The following RAP1GAP2 variants were observed in gnomAD, a reference collection of about 807,000 sequenced individuals.
RAP1GAP2 encodes RAP1 GTPase activating protein 2.
RAP1GAP2 carries 27 observed loss-of-function variants against 95.0 expected under a neutral mutation model. The ratio of observed to expected loss-of-function variants is 0.28; its 90% confidence interval spans 0.21 to 0.39. The LOEUF (loss-of-function observed/expected upper bound fraction) is 0.39, where lower values mean the gene tolerates loss of function less well. Ranked by LOEUF, RAP1GAP2 falls within the 10% of genes least tolerant of loss-of-function variation. RAP1GAP2 has a pLI of 1.00. For missense variants in RAP1GAP2, 771 were observed against 970.0 expected (o/e 0.79, Z 2.72); for synonymous variants, 373 against 380.9 (o/e 0.98, Z 0.24).
chr17:2,917,411 C>T (rs988885225), intron 3 of RAP1GAP2, among the ~76,000 whole-genome samples: 3 of 152,094 alleles, frequency 2.0e-5, no homozygotes, highest in Admixed American at 6.6e-5. Context: ...GCTGGGATTA[C>T]AGGCATGCGC....
At chr17:2,768,171 T>G (rs149809365) in intron 1 of RAP1GAP2, among the ~76,000 whole-genome samples, 150 of 152,272 alleles carry the variant, frequency 9.9e-4, no homozygotes, top group African/African-American at 3.5e-3. Context: ...CTAGGTAAAT[T>G]CCCCAAAGAG....
chr17:2,921,808 G>A (rs1455304997), intron 3 of RAP1GAP2, among the ~76,000 whole-genome samples: 2 of 152,144 alleles, frequency 1.3e-5, no homozygotes, highest in African/African-American at 4.8e-5. Context: ...GAAGCTCCTT[G>A]CCTGCCTCTT....
chr17:2,797,212 C>A lies in RAP1GAP2; in HGVS notation c.44+641C>A, dbSNP rs1454891467. On this transcript the variant is annotated intron_variant, in intron 1 of 24. Coordinates refer to ENST00000254695, the MANE Select transcript of RAP1GAP2 (RefSeq NM_015085.5). The surrounding 1 kb of genome is among the most constrained non-coding windows in gnomAD (Gnocchi z 5.6). Reference sequence around the variant, plus strand: ...CCCACCTGCACCCCAGGCAGCCCACCCTAGCTCTGTCCTAGCCTGAGCAGC... The same window carrying A: ...CCCACCTGCACCCCAGGCAGCCCACACTAGCTCTGTCCTAGCCTGAGCAGC... Among the ~76,000 whole-genome samples, 3 of 152,146 alleles carry A rather than the reference C, an allele frequency of 2.0e-5. No individual in the cohort carries two copies. The highest frequency in any genetic ancestry group is 6.5e-5 in the Admixed American group (1 of 15,272).
At chr17:2,930,832 A>G (rs1347707011) in intron 3 of RAP1GAP2, among the ~76,000 whole-genome samples, 2 of 152,194 alleles carry the variant, frequency 1.3e-5, no homozygotes, top group African/African-American at 2.4e-5. Context: ...AATATAAAAC[A>G]AAACAAAAGA....
chr17:2,848,416 C>T (rs751591843), intron 2 of RAP1GAP2, among the ~76,000 whole-genome samples: 2 of 151,662 alleles, frequency 1.3e-5, no homozygotes, highest in Non-Finnish European at 2.9e-5. Flanking sequence ...GGGGGCTGGT[C>T]ATGGGTTCTG....
At chr17:2,942,540 C>T (rs1319880976) in intron 3 of RAP1GAP2, among the ~76,000 whole-genome samples, 1 of 152,156 alleles carries the variant, frequency 6.6e-6, no homozygotes, top group Non-Finnish European at 1.5e-5. Flanking sequence ...CTGAGCTTGC[C>T]TTTCTGCTGG....
Position 2,968,687 on chromosome 17 carries a change from G to A in RAP1GAP2, c.596+3044G>A, listed in dbSNP as rs143690459. ...ATAAAGAAATATGATAGAAGTGTGC[G>A]TACATATGTGATGATAATAAATATA... On this transcript the variant is annotated intron_variant, in intron 8 of 24. Coordinates refer to ENST00000254695, the MANE Select transcript of RAP1GAP2 (RefSeq NM_015085.5). Among the ~76,000 whole-genome samples, 698 of 152,108 alleles carry A rather than the reference G, an allele frequency of 4.6e-3. 8 individuals carry two copies. The highest frequency in any genetic ancestry group is 4.2e-3 in the Non-Finnish European group (284 of 67,966).
At chr17:2,969,701 G>C (rs1010113943) in intron 8 of RAP1GAP2, among the ~76,000 whole-genome samples, 1 of 151,360 alleles carries the variant, frequency 6.6e-6, no homozygotes, top group African/African-American at 2.4e-5. Context: ...ATGGGGTTTC[G>C]CTGTGTTGGC....
rs561492877 is a variant in RAP1GAP2 at position 2,860,594 on chromosome 17, CTTTTTTTTTTTTTT to C, written c.81-44676_81-44663del. 5.5e-3 allele frequency among the ~76,000 whole-genome samples: 533 copies of C among 96,068 alleles called. 6 individuals carry two copies. The highest frequency in any genetic ancestry group is 0.022 in the African/African-American group (504 of 22,968). The allele number at this position is 96,068 out of a possible 152,430, so 63.0% of individuals were successfully genotyped here. On this transcript the variant is annotated intron_variant, in intron 2 of 24. Coordinates refer to ENST00000254695, the MANE Select transcript of RAP1GAP2 (RefSeq NM_015085.5). ...TAGACTTTCCATTATACTTATTTAT[CTTTTTTTTTTTTTT>C]TTTTTTTTTTTTTGAGACAGCATCT... is the stretch of plus-strand genomic sequence containing the variant.
chr17:2,984,602 G>T lies in RAP1GAP2; in HGVS notation c.730-381G>T, dbSNP rs1297184982. 3.3e-5 allele frequency among the ~76,000 whole-genome samples: 5 copies of T among 152,166 alleles called. No individual in the cohort carries two copies. The East Asian group carries it at 7.7e-4, about 23-fold the overall frequency. On this transcript the variant is annotated intron_variant, in intron 10 of 24. Transcript: ENST00000254695. The stretch of plus-strand genomic sequence containing the variant: ...GGACTCATGCTGCTGATTAGAGGTG[G>T]AATTAGGACTAGAGTTATCCTTGCT...
At chr17:2,895,483 C>T (rs373004153) in intron 2 of RAP1GAP2, among the ~76,000 whole-genome samples, 21 of 152,318 alleles carry the variant, frequency 1.4e-4, no homozygotes, top group Admixed American at 7.2e-4. Flanking sequence ...ATACTATTTC[C>T]TTCAGTGGAT....
At chr17:2,985,118 G>T in intron 11 of RAP1GAP2, 52 bp downstream of exon 11, 1 of 1,609,184 alleles carries the variant, frequency 6.2e-7, no homozygotes, top group Admixed American at 1.7e-5. Context: ...TCTCACTTAG[G>T]ACTCTTTTTA....
intron 17 of RAP1GAP2, among the ~76,000 whole-genome samples, chr17:3,009,647 C>T (rs1471173072): frequency 6.6e-6 from 1 of 152,202 alleles, no homozygotes; most frequent in Non-Finnish European, 1.5e-5. Flanking sequence ...GCTCTTCCTA[C>T]CCTAGTTGGG....
chr17:3,034,406 G>T lies in RAP1GAP2; in HGVS notation c.*1045G>T, dbSNP rs143842515. On this transcript the variant is annotated 3_prime_UTR_variant, in exon 25 of 25. Transcript: ENST00000254695. The surrounding 1 kb of genome is among the most constrained non-coding windows in gnomAD (Gnocchi z 5.1). Reference sequence around the variant, plus strand: ...CCACTTACTCGAGGAGAGAGGTGAGGGGGGGATGACTTGCGGGTTCTGATC... The same window carrying T: ...CCACTTACTCGAGGAGAGAGGTGAGTGGGGGATGACTTGCGGGTTCTGATC... 8.1e-5 allele frequency: 19 copies of T among 235,372 alleles called. 1 individual carries two copies. The highest frequency in any genetic ancestry group is 3.5e-4 in the African/African-American group (15 of 42,262). 14.6% of individuals were successfully genotyped at this position (235,372 alleles called of 1,614,324 possible).
chr17:2,759,331 A>G (rs2071203273), intron 1 of RAP1GAP2, among the ~76,000 whole-genome samples: 1 of 152,082 alleles, frequency 6.6e-6, no homozygotes, highest in African/African-American at 2.4e-5. Context: ...CCCAGGATAG[A>G]GTGCAGTGGC....
chr17:2,977,713 C>G (rs1308031248), intron 8 of RAP1GAP2, among the ~76,000 whole-genome samples: 2 of 147,298 alleles, frequency 1.4e-5, no homozygotes, highest in Non-Finnish European at 3.0e-5. Context: ...CCACCGCACT[C>G]CAGCCTGGGC....
chr17:2,805,663 G>A (rs1378298338), intron 2 of RAP1GAP2, among the ~76,000 whole-genome samples: 1 of 152,186 alleles, frequency 6.6e-6, no homozygotes, highest in East Asian at 1.9e-4. Context: ...GTGAGCCACT[G>A]CACCTGGCCA....
At chr17:3,019,831 C>A (rs1325099959) in intron 18 of RAP1GAP2, among the ~76,000 whole-genome samples, 4 of 152,206 alleles carry the variant, frequency 2.6e-5, no homozygotes, top group Non-Finnish European at 5.9e-5. Flanking sequence ...GGCTTGGTGG[C>A]CTCTAGAGGT....
chr17:3,027,436 C>CGTCT lies in RAP1GAP2; in HGVS notation c.2107+370_2107+373dup, dbSNP rs1418329530. Among the ~76,000 whole-genome samples, 1 of 152,092 alleles carries CGTCT rather than the reference C, an allele frequency of 6.6e-6. No homozygotes were observed. The highest frequency in any genetic ancestry group is 2.4e-5 in the African/African-American group (1 of 41,424). ...CCAGCGCTCCAGGGCTGCCAGGGCC[C>CGTCT]GTCTGTCATGTCGGGGGTCTTGATA... On this transcript the variant is annotated intron_variant, in intron 22 of 24. Coordinates refer to ENST00000254695, the MANE Select transcript of RAP1GAP2 (RefSeq NM_015085.5). The surrounding 1 kb of genome is among the most constrained non-coding windows in gnomAD (Gnocchi z 5.2).
Sources: gnomAD v4.1 joint callset for allele counts (sites outside exome capture counted in the v4.1 genomes callset) on GRCh38, gnomAD v4.1.1 for gene constraint, Gnocchi (gnomAD v3.1) non-coding constraint, MANE v1.5 for transcripts, NCBI Gene and HGNC (gene_info 2026-07-23, HGNC 2026-07-21) for gene names.